Variants in SPAG17 observed in about 807,000 individuals in gnomAD.
SPAG17 encodes sperm-associated antigen 17.
A neutral mutation model predicts 273.6 loss-of-function variants in SPAG17; 169 were observed. The observed-to-expected ratio is 0.62, with a 90% CI of 0.55 to 0.70. The LOEUF (loss-of-function observed/expected upper bound fraction) is 0.70. Among genes scored for constraint, SPAG17 ranks in the 30% least tolerant of loss-of-function variants. The probability of loss-of-function intolerance (pLI) is 0.00; values close to 1 mark genes in which losing one functional copy is unlikely to be tolerated. For missense variants in SPAG17, 2,557 were observed against 2,627.8 expected (o/e 0.97, Z 0.59); for synonymous variants, 825 against 873.2 (o/e 0.94, Z 0.97).
At chr1:117,986,721 T>A (rs1221270388) in intron 40 of SPAG17, among the ~76,000 whole-genome samples, 1 of 152,204 alleles carries the variant, frequency 6.6e-6, no homozygotes, top group Admixed American at 6.5e-5. Flanking sequence ...TTAGGGATAT[T>A]CTGAAAATAA....
chr1:118,148,760 G>A (rs1279316949), intron 3 of SPAG17, among the ~76,000 whole-genome samples: 2 of 152,034 alleles, frequency 1.3e-5, no homozygotes, highest in Non-Finnish European at 2.9e-5. Context: ...TGTCTCAAAG[G>A]TCCAGAAGTC....
At chr1:118,113,232 T>G (rs1028507195) in intron 4 of SPAG17, among the ~76,000 whole-genome samples, 4 of 152,156 alleles carry the variant, frequency 2.6e-5, no homozygotes, top group Non-Finnish European at 5.9e-5. Flanking sequence ...GTCACTAACC[T>G]TGTAGAAATT....
intron 1 of SPAG17, among the ~76,000 whole-genome samples, chr1:118,166,980 T>G (rs1243496204): frequency 6.6e-6 from 1 of 151,996 alleles, no homozygotes; most frequent in African/African-American, 2.4e-5. Context: ...CTCAACTAAA[T>G]ATTTCATGTC....
chr1:118,124,401 T>C (rs1261410411), intron 3 of SPAG17, among the ~76,000 whole-genome samples: 1 of 152,208 alleles, frequency 6.6e-6, no homozygotes, highest in Admixed American at 6.5e-5. Context: ...TCTACTAGCT[T>C]GGAAGGTTAA....
At chr1:118,033,645 T>C (rs1022131966) in intron 24 of SPAG17, among the ~76,000 whole-genome samples, 103 of 152,222 alleles carry the variant, frequency 6.8e-4, no homozygotes, top group African/African-American at 2.3e-3. Flanking sequence ...CTTAAAGTCC[T>C]CTGCCACTCA....
intron 39 of SPAG17, 71 bp from the exon 40 acceptor site, chr1:117,987,952 C>A (rs1656619879): frequency 4.5e-6 from 7 of 1,548,794 alleles, no homozygotes; most frequent in Non-Finnish European, 5.3e-6. Flanking sequence ...ACCAAAAACC[C>A]TCACCACTAT....
Position 118,091,678 on chromosome 1 carries a change from G to C in SPAG17, c.1287C>G (p.Tyr429Ter). Residue 429 changes from tyrosine to a stop codon, truncating the protein, a stop_gained, in exon 10 of 49, where the codon TAC becomes TAG. Coordinates refer to ENST00000336338, the MANE Select transcript of SPAG17 (RefSeq NM_206996.4). LOFTEE classifies it high-confidence loss of function. Reference protein sequence around the residue: ...VITTEVDMRYYNYLLNPIREE... With the variant: ...VITTEVDMRY ...CTCGAATTGGATTCAGCAAATAATT[G>C]TAATATCTCATGTCTACTTCAGTTG... is the stretch of plus-strand genomic sequence containing the variant. The C allele has an allele frequency of 6.2e-7, 1 of 1,612,020 alleles. No homozygotes were observed. The highest frequency in any genetic ancestry group is 8.5e-7 in the Non-Finnish European group (1 of 1,178,364).
At chr1:117,964,630 T>C (rs944743806) in intron 47 of SPAG17, 1 of 152,322 alleles carries the variant, frequency 6.6e-6, no homozygotes, top group Non-Finnish European at 1.5e-5. Flanking sequence ...TTTCCTATTT[T>C]ATATTTTGCT....
At position 118,020,966 on chromosome 1, in the gene SPAG17, C is replaced by T. The variant is rs1324735567; in HGVS notation, c.4069+2338G>A. 7.9e-5 allele frequency among the ~76,000 whole-genome samples: 12 copies of T among 152,074 alleles called. No individual in the cohort carries two copies. The East Asian group carries it at 2.1e-3, about 27-fold the overall frequency. On this transcript the variant is annotated intron_variant, in intron 28 of 48. Transcript: ENST00000336338. ...CATATTGCCCATGGCTGTTTTTATG[C>T]TCCAATGGCAGAGTTGAGTAGTTGT...
intron 44 of SPAG17, among the ~76,000 whole-genome samples, 190 bp from the exon 45 acceptor site, chr1:117,972,237 T>A (rs1654642933): frequency 1.3e-5 from 2 of 152,196 alleles, no homozygotes; most frequent in Non-Finnish European, 2.9e-5. Context: ...GATAAGGAAG[T>A]CAAGTTCAGA....
At chr1:118,073,741 CTA>C in intron 17 of SPAG17, 111 bp downstream of exon 17, 1 of 648,640 alleles carries the variant, frequency 1.5e-6, no homozygotes, top group East Asian at 3.1e-5. Context: ...GTAAAGGAGA[CTA>C]TTGATCTGAA....
intron 48 of SPAG17, chr1:117,958,843 GTTTC>G (rs1652609917): frequency 9.7e-7 from 1 of 1,028,686 alleles, no homozygotes; most frequent in Non-Finnish European, 1.4e-6. Context: ...TCTGTTTACT[GTTTC>G]TAGAAGGGTT....
At chr1:118,150,044 CGATTAAAGTGG>C (rs1659285008) in intron 3 of SPAG17, among the ~76,000 whole-genome samples, 2 of 152,096 alleles carry the variant, frequency 1.3e-5, no homozygotes, top group African/African-American at 4.8e-5. Context: ...ATTTTCATAT[CGATTAAAGTGG>C]GATATAAACC....
Position 117,981,395 on chromosome 1 carries a change from T to C in SPAG17, c.5879A>G (p.Lys1960Arg). ...QDTSDLNLDF[K>R]PHKVSEQKSS... ...TTTCTGTTCTGAAACCTTATGTGGC[T>C]TGAAATCTAGAAAACCCAAAATGAA... is the stretch of plus-strand genomic sequence containing the variant. The change falls in exon 43 of 49, where the codon AAG (lysine) becomes AGG (arginine). Residue 1960 changes from lysine to arginine, a missense_variant. Physicochemically the swap from Lys to Arg is conservative, Grantham distance 26 (BLOSUM62 2). Coordinates refer to ENST00000336338, the MANE Select transcript of SPAG17 (RefSeq NM_206996.4). 6.3e-7 allele frequency: 1 copy of C among 1,592,302 alleles called. No homozygotes were observed. The highest frequency in any genetic ancestry group is 8.5e-7 in the Non-Finnish European group (1 of 1,174,912).
At chr1:118,063,125 C>G (rs564518530) in intron 18 of SPAG17, among the ~76,000 whole-genome samples, 3 of 152,052 alleles carry the variant, frequency 2.0e-5, no homozygotes, top group Non-Finnish European at 2.9e-5. Context: ...CTCATGGATA[C>G]GAAGAATCAG....
chr1:118,067,659 C>T (rs751889305), intron 17 of SPAG17, among the ~76,000 whole-genome samples: 4 of 152,146 alleles, frequency 2.6e-5, no homozygotes, highest in Non-Finnish European at 4.4e-5. Flanking sequence ...GCAGCCCAAG[C>T]GGACTAAATC....
intron 1 of SPAG17, among the ~76,000 whole-genome samples, chr1:118,156,337 G>C (rs1423795974): frequency 6.6e-6 from 1 of 152,166 alleles, no homozygotes; most frequent in Non-Finnish European, 1.5e-5. Context: ...ATATCTGTTG[G>C]CTGATATTTC....
At chr1:118,021,309 A>C (rs544294041) in intron 28 of SPAG17, among the ~76,000 whole-genome samples, 1 of 152,330 alleles carries the variant, frequency 6.6e-6, no homozygotes, top group African/African-American at 2.4e-5. Context: ...TAGAAAGGCT[A>C]CATAAGGTAT....
chr1:118,161,737 G>A (rs543875247), intron 1 of SPAG17, among the ~76,000 whole-genome samples: 58 of 152,076 alleles, frequency 3.8e-4, no homozygotes, highest in African/African-American at 1.3e-3. Flanking sequence ...GGGTTTCACC[G>A]TGTTAGCCAG....
Sources: gnomAD v4.1 joint callset for allele counts (sites outside exome capture counted in the v4.1 genomes callset) on GRCh38, gnomAD v4.1.1 for gene constraint, MANE v1.5 for transcripts, NCBI Gene and HGNC (gene_info 2026-07-23, HGNC 2026-07-21) for gene names.